Variants in GPA33 observed in about 807,000 individuals in gnomAD.
The protein encoded by GPA33 is cell surface A33 antigen.
In GPA33, 27 loss-of-function variants were observed where a neutral mutation model predicts 35.6. The ratio of observed to expected loss-of-function variants is 0.76; its 90% CI spans 0.56 to 1.04. GPA33 has a LOEUF of 1.04. GPA33 is among the 50% of genes least tolerant of loss of function. The probability of loss-of-function intolerance (pLI) is 0.00; values close to 1 mark genes in which losing one functional copy is unlikely to be tolerated. For missense variants in GPA33, 428 were observed against 411.9 expected (o/e 1.04, Z -0.34); for synonymous variants, 176 against 164.0 (o/e 1.07, Z -0.56).
At chr1:167,071,516 G>T (rs1401438081) in intron 2 of GPA33, among the ~76,000 whole-genome samples, 1 of 152,202 alleles carries the variant, frequency 6.6e-6, no homozygotes, top group Non-Finnish European at 1.5e-5. Context: ...ATATCCTTGT[G>T]CAGGGTGCAA....
intron 1 of GPA33, 37 bp from the exon 2 acceptor site, chr1:167,073,576 C>T (rs769287983): frequency 2.1e-5 from 33 of 1,586,488 alleles, no homozygotes; most frequent in Middle Eastern, 3.7e-4. Context: ...GAAAAGTAAG[C>T]GACACGGACA....
chr1:167,056,005 A>C (rs553997121), intron 4 of GPA33, among the ~76,000 whole-genome samples, 156 bp from the exon 5 acceptor site: 2 of 152,294 alleles, frequency 1.3e-5, no homozygotes, highest in Admixed American at 1.3e-4. Flanking sequence ...CAGGACGCTT[A>C]AACCAGGCAG....
At chr1:167,069,628 T>A (rs890929393) in intron 2 of GPA33, among the ~76,000 whole-genome samples, 1 of 152,246 alleles carries the variant, frequency 6.6e-6, no homozygotes, top group Non-Finnish European at 1.5e-5. Context: ...TCATCATTTA[T>A]CAAATTGTAT....
chr1:167,060,247 A>AT (rs1666406343), intron 4 of GPA33, among the ~76,000 whole-genome samples: 1 of 152,014 alleles, frequency 6.6e-6, no homozygotes, highest in Non-Finnish European at 1.5e-5. Context: ...TAATTTTTGT[A>AT]TTTTTGGTAG....
At chr1:167,080,944 T>C (rs941657888) in intron 1 of GPA33, among the ~76,000 whole-genome samples, 1 of 152,154 alleles carries the variant, frequency 6.6e-6, no homozygotes, top group Non-Finnish European at 1.5e-5. Context: ...ACCTATTCAA[T>C]GAATTGCTGG....
intron 1 of GPA33, among the ~76,000 whole-genome samples, chr1:167,079,566 C>T (rs1422780717): frequency 6.6e-6 from 1 of 151,840 alleles, no homozygotes; most frequent in Non-Finnish European, 1.5e-5. Flanking sequence ...TCTTTGTAAA[C>T]CTGAGAAGCA....
intron 1 of GPA33, 54 bp downstream of exon 1, chr1:167,090,191 G>A: frequency 1.5e-6 from 2 of 1,371,956 alleles, no homozygotes; most frequent in Non-Finnish European, 2.1e-6. Flanking sequence ...TTCAGCCCTA[G>A]GTCCCCATGT....
intron 1 of GPA33, among the ~76,000 whole-genome samples, chr1:167,079,440 C>G (rs1331598425): frequency 6.9e-6 from 1 of 145,074 alleles, no homozygotes; most frequent in Non-Finnish European, 1.5e-5. Flanking sequence ...TGCAGTGAGC[C>G]GAGATCACAC....
intron 1 of GPA33, among the ~76,000 whole-genome samples, chr1:167,086,489 G>A (rs1490719905): frequency 6.6e-6 from 1 of 152,222 alleles, no homozygotes; most frequent in East Asian, 1.9e-4. Flanking sequence ...GCTCAGATAG[G>A]CCATCGTGAT....
At chr1:167,085,865 C>G in intron 1 of GPA33, among the ~76,000 whole-genome samples, 1 of 152,246 alleles carries the variant, frequency 6.6e-6, no homozygotes, top group South Asian at 2.1e-4. Flanking sequence ...GACTGCACAT[C>G]AGAATCACCT....
At chr1:167,073,276 A>G in intron 2 of GPA33, 109 bp downstream of exon 2, 1 of 894,546 alleles carries the variant, frequency 1.1e-6, no homozygotes, top group Non-Finnish European at 1.8e-6. Flanking sequence ...CCTGGGTGCT[A>G]GTGTTTATTC....
Position 167,054,364 on chromosome 1 carries a change from C to A in GPA33, c.930G>T (p.Gly310=), listed in dbSNP as rs1415947405. 1.2e-6 allele frequency: 2 copies of A among 1,614,016 alleles called. No homozygotes were observed. The highest frequency in any genetic ancestry group is 2.2e-5 in the South Asian group (2 of 91,090). ...GGTCGAGGTGGTCCGGGGATTCACG[C>A]CCAGTGCTCCTCTGCTCTTCTTGCC... The part of the protein sequence containing the change: ...DYRQEEQRST[G]RESPDHLDQ Residue 310 remains glycine, a synonymous_variant, in exon 7 of 7, where the codon GGG becomes GGT. Coordinates refer to ENST00000367868, the MANE Select transcript of GPA33 (RefSeq NM_005814.3).
At chr1:167,090,119 C>G in intron 1 of GPA33, 126 bp downstream of exon 1, 1 of 718,422 alleles carries the variant, frequency 1.4e-6, no homozygotes, top group Non-Finnish European at 2.5e-6. Context: ...AATTCTGGCC[C>G]AGCAGGAACG....
intron 3 of GPA33, among the ~76,000 whole-genome samples, chr1:167,065,576 T>C (rs981072591): frequency 6.6e-6 from 1 of 152,098 alleles, no homozygotes; most frequent in Non-Finnish European, 1.5e-5. Context: ...AGGTGCACGG[T>C]CGCTGAGCAT....
rs186168290 is a variant in GPA33, at chr1:167,054,500, T to C, written c.828-34A>G. The C allele has an allele frequency of 1.2e-4, 197 of 1,613,832 alleles. 2 individuals carry two copies. In the East Asian group the frequency reaches 2.5e-3, roughly 20 times the overall value. On this transcript the variant is annotated intron_variant, in intron 6 of 6. Coordinates refer to ENST00000367868, the MANE Select transcript of GPA33 (RefSeq NM_005814.3). The stretch of plus-strand genomic sequence containing the variant: ...CAGCAGGGGACAGAGGGGAAGGATT[T>C]GCTCTCAGGTGGACCCTCAAGGGAG...
intron 1 of GPA33, among the ~76,000 whole-genome samples, chr1:167,083,629 C>T (rs961246055): frequency 3.9e-5 from 6 of 152,070 alleles, no homozygotes; most frequent in Non-Finnish European, 5.9e-5. Flanking sequence ...ACCATAGTAA[C>T]GAGTGTCATG....
intron 4 of GPA33, among the ~76,000 whole-genome samples, chr1:167,056,719 T>TGGCG (rs1558001926): frequency 0.051 from 162 of 3,152 alleles, 2 homozygotes; most frequent in African/African-American, 0.055. Flanking sequence ...AGTGTGTGTG[T>TGGCG]AGTGTGTGAT....
In GPA33 at chr1:167,054,240, G is replaced by GACAGGAGA; in HGVS notation, c.*86_*93dup. 5 of 1,469,494 alleles carry GACAGGAGA rather than the reference G, an allele frequency of 3.4e-6. No individual in the cohort carries two copies. The South Asian group carries it at 6.0e-5, about 18-fold the overall frequency. The allele number at this position is 1,469,494 out of a possible 1,614,324, so 91.0% of individuals were successfully genotyped here. A position where few individuals can be genotyped will look rare whatever the true frequency, so the allele number is the denominator to read the frequency against. The stretch of plus-strand genomic sequence containing the variant: ...TCCCCATCAATGTCTGGGATGGAGG[G>GACAGGAGA]ACAGGAGAACAGGGCTTAGAAAGGA... On this transcript the variant is annotated 3_prime_UTR_variant, in exon 7 of 7. Transcript: ENST00000367868.
chr1:167,061,976 A>G (rs569007370), intron 4 of GPA33, among the ~76,000 whole-genome samples: 1 of 152,012 alleles, frequency 6.6e-6, no homozygotes, highest in South Asian at 2.1e-4. Flanking sequence ...CTTATCCAGG[A>G]CACCAGATAT....
Sources: allele counts gnomAD v4.1 joint callset (sites outside exome capture counted in the v4.1 genomes callset), GRCh38; gene constraint gnomAD v4.1.1; transcripts MANE v1.5; gene names NCBI Gene and HGNC (gene_info 2026-07-23, HGNC 2026-07-21).